Variants in ZNF184 observed in about 807,000 individuals in gnomAD.
ZNF184 encodes zinc finger protein 184 (Kruppel-like).
In ZNF184, 16 loss-of-function variants were observed where a neutral mutation model predicts 54.4. That is an observed-to-expected ratio of 0.29 (90% CI 0.20 to 0.45). The LOEUF is 0.45. Among genes scored for constraint, ZNF184 ranks in the 20% least tolerant of loss-of-function variants. The probability of loss-of-function intolerance (pLI) is 1.00; values close to 1 mark genes in which losing one functional copy is unlikely to be tolerated. For missense variants in ZNF184, 681 were observed against 888.2 expected (o/e 0.77, Z 2.97); for synonymous variants, 254 against 295.3 (o/e 0.86, Z 1.43).
chr6:27,460,508 G>A (rs1762969286), intron 3 of ZNF184, among the ~76,000 whole-genome samples: 1 of 152,186 alleles, frequency 6.6e-6, no homozygotes, highest in Non-Finnish European at 1.5e-5. Flanking sequence ...ACTAACATGA[G>A]CCCCAGAATC....
the ZNF184 span, chr6:27,404,527 CTT>C: frequency 1.3e-5 from 2 of 152,074 alleles, no homozygotes; most frequent in Non-Finnish European, 2.9e-5. Context: ...AAGAAACTCT[CTT>C]TGTAGATATT....
chr6:27,464,539 G>T (rs373265463), intron 3 of ZNF184, among the ~76,000 whole-genome samples: 2 of 151,892 alleles, frequency 1.3e-5, no homozygotes, highest in African/African-American at 4.8e-5. Flanking sequence ...CAATCCAAAA[G>T]AAGGTAAGAA....
the ZNF184 span, among the ~76,000 whole-genome samples, chr6:27,409,498 C>CAAAAAAAAAAAAAAAAAAA: frequency 2.5e-5 from 1 of 39,940 alleles, no homozygotes; most frequent in Non-Finnish European, 5.0e-5. Flanking sequence ...GACTCCGTCT[C>CAAAAAAAAAAAAAAAAAAA]AAAAAAAAAA....
intron 2 of ZNF184, among the ~76,000 whole-genome samples, chr6:27,469,038 G>A (rs1335469783): frequency 6.6e-6 from 1 of 152,094 alleles, no homozygotes; most frequent in Non-Finnish European, 1.5e-5. Flanking sequence ...TTGCTCTTGG[G>A]GGAATCCACT....
intron 3 of ZNF184, among the ~76,000 whole-genome samples, chr6:27,458,295 T>TAAAAAAAAAAAAAAAAAAAA (rs55966783): frequency 4.8e-5 from 3 of 62,366 alleles, no homozygotes; most frequent in African/African-American, 6.8e-5. Flanking sequence ...TTCTGCACAG[T>TAAAAAAAAAAAAAAAAAAAA]AAAAAAAAAA....
At chr6:27,425,545 A>G in the ZNF184 span, among the ~76,000 whole-genome samples, 3 of 152,238 alleles carry the variant, frequency 2.0e-5, no homozygotes, top group Non-Finnish European at 4.4e-5. Flanking sequence ...TTGGCAAAGT[A>G]TTTATCATTG....
chr6:27,440,446 T>G, the ZNF184 span, among the ~76,000 whole-genome samples: 1 of 152,220 alleles, frequency 6.6e-6, no homozygotes, highest in South Asian at 2.1e-4. Flanking sequence ...TTCATCATGA[T>G]CACTACATTA....
At position 27,465,243 on chromosome 6, in the gene ZNF184, G is replaced by C. The variant is rs1205766042; in HGVS notation, c.75+2610C>G. Among the ~76,000 whole-genome samples, 5 of 151,072 alleles carry C rather than the reference G, an allele frequency of 3.3e-5. No individual in the cohort carries two copies. The East Asian group carries it at 9.8e-4, about 30-fold the overall frequency. On this transcript the variant is annotated intron_variant, in intron 3 of 5. Coordinates refer to ENST00000683788, the MANE Select transcript of ZNF184 (RefSeq NM_001318891.2). ...CTCATGCCTGTAATCCCAGCACTTC[G>C]GGAGGGCGAGGCGGGCGGATCACGA...
chr6:27,432,648 TC>T, the ZNF184 span, among the ~76,000 whole-genome samples: 1 of 152,210 alleles, frequency 6.6e-6, no homozygotes, highest in Non-Finnish European at 1.5e-5. This position sits in a 1 kb window ranked among gnomAD's most constrained non-coding sequence, Gnocchi z 4.0. Context: ...TTTCCTCTTC[TC>T]ATCCTTCAGG....
downstream of ZNF184, among the ~76,000 whole-genome samples, chr6:27,445,862 C>A (rs984263382): frequency 2.6e-5 from 4 of 152,110 alleles, no homozygotes; most frequent in Non-Finnish European, 5.9e-5. Flanking sequence ...ATTGTGTCTG[C>A]GTTCTAGGGC....
At chr6:27,419,680 ATCTCT>A in the ZNF184 span, among the ~76,000 whole-genome samples, 1 of 145,456 alleles carries the variant, frequency 6.9e-6, no homozygotes, top group African/African-American at 2.5e-5. The surrounding 1 kb of genome is among the most constrained non-coding windows in gnomAD (Gnocchi z 4.8). Flanking sequence ...TCAGTGACTC[ATCTCT>A]TCTCATGCTC....
At position 27,451,426 on chromosome 6, in the gene ZNF184, T is replaced by A. The variant is rs1403806064; in HGVS notation, c.2133A>T (p.Thr711=). ...GAATTCTCTGGTGCTGAATGAGATA[T>A]GTGCTCTGGCTAAAAGTCTTTCTGC... ...NECRKTFSQS[T]YLIQHQRIHS... Residue 711 remains threonine, a synonymous_variant, in exon 6 of 6, where the codon ACA becomes ACT. Transcript: ENST00000683788. 5.0e-6 allele frequency: 8 copies of A among 1,614,056 alleles called. No individual in the cohort carries two copies. Among genetic ancestry groups the A allele is most frequent in the Non-Finnish European group, 6.8e-6 (8 of 1,180,012 alleles).
At position 27,472,763 on chromosome 6, in the gene ZNF184, A is replaced by G. The variant is rs2272815; in HGVS notation, c.-174T>C. On this transcript the variant is annotated 5_prime_UTR_variant, in exon 1 of 6. Transcript: ENST00000683788. This position sits in a 1 kb window ranked among gnomAD's most constrained non-coding sequence, Gnocchi z 4.8. The stretch of plus-strand genomic sequence containing the variant: ...AGCGTTAAAGCTGGAAGGTGGACAA[A>G]CAGGGCGGGGCCCGGCACCCGACTT... The G allele has an allele frequency of 0.65, 101,412 of 155,856 alleles. 33,302 individuals carry two copies. The highest frequency in any genetic ancestry group is 0.75 in the Middle Eastern group (220 of 292). 9.7% of individuals were successfully genotyped at this position (155,856 alleles called of 1,614,324 possible). A position where few individuals can be genotyped will look rare whatever the true frequency, so the allele number is the denominator to read the frequency against.
chr6:27,423,803 C>T, the ZNF184 span, among the ~76,000 whole-genome samples: 7 of 152,162 alleles, frequency 4.6e-5, no homozygotes, highest in African/African-American at 9.7e-5. Flanking sequence ...ACAAAATGTT[C>T]ACATATTCAT....
chr6:27,417,674 T>C, the ZNF184 span, among the ~76,000 whole-genome samples: 10 of 152,282 alleles, frequency 6.6e-5, no homozygotes, highest in African/African-American at 2.4e-4. Context: ...ACTTCATTGC[T>C]TGAGGCCGAT....
the ZNF184 span, among the ~76,000 whole-genome samples, chr6:27,419,723 A>C: frequency 6.6e-6 from 1 of 152,132 alleles, no homozygotes; most frequent in East Asian, 1.9e-4. This position sits in a 1 kb window ranked among gnomAD's most constrained non-coding sequence, Gnocchi z 4.8. Context: ...AAATCCACTA[A>C]AATATATGTA....
chr6:27,428,419 T>C, the ZNF184 span, among the ~76,000 whole-genome samples: 1 of 152,172 alleles, frequency 6.6e-6, no homozygotes, highest in African/African-American at 2.4e-5. This position sits in a 1 kb window ranked among gnomAD's most constrained non-coding sequence, Gnocchi z 4.1. Context: ...CCTACAAAGA[T>C]CAAGGTTCAC....
At chr6:27,444,106 C>T in the ZNF184 span, among the ~76,000 whole-genome samples, 2 of 152,184 alleles carry the variant, frequency 1.3e-5, no homozygotes, top group South Asian at 2.1e-4. Flanking sequence ...AATTCACTTT[C>T]TCATTCTACA....
chr6:27,424,608 T>C, the ZNF184 span, among the ~76,000 whole-genome samples: 1 of 152,150 alleles, frequency 6.6e-6, no homozygotes, highest in African/African-American at 2.4e-5. Flanking sequence ...TGTCGATTGG[T>C]GCATTCACAA....
Sources: gnomAD v4.1 joint callset for allele counts (sites outside exome capture counted in the v4.1 genomes callset) on GRCh38, gnomAD v4.1.1 for gene constraint, Gnocchi (gnomAD v3.1) non-coding constraint, MANE v1.5 for transcripts, NCBI Gene and HGNC (gene_info 2026-07-23, HGNC 2026-07-21) for gene names.